The following FRMD4A variants were observed in gnomAD, a reference collection of about 807,000 sequenced individuals.
FRMD4A encodes the protein FERM domain-containing protein 4A.
FRMD4A carries 29 observed loss-of-function variants against 129.1 expected under a neutral mutation model. That is an observed-to-expected ratio of 0.22 (90% CI 0.17 to 0.31). The LOEUF is 0.31. Among genes scored for constraint, FRMD4A ranks in the 10% least tolerant of loss-of-function variants. FRMD4A has a pLI of 1.00. For missense variants in FRMD4A, 1,272 were observed against 1,375.8 expected (o/e 0.92, Z 1.19); for synonymous variants, 634 against 571.6 (o/e 1.11, Z -1.56).
chr10:13,884,116 ACACACTCACACACACG>A (rs2094577990), intron 2 of FRMD4A, among the ~76,000 whole-genome samples: 2 of 111,862 alleles, frequency 1.8e-5, no homozygotes, highest in South Asian at 2.7e-4. Context: ...ACACACACAC[ACACACTCACACACACG>A]CTCACACACA....
intron 15 of FRMD4A, chr10:13,685,411 C>T (rs2084977895): frequency 1.0e-6 from 1 of 985,056 alleles, no homozygotes; most frequent in Admixed American, 6.1e-5. Context: ...AAATTAGCAG[C>T]ATCCAGTAAA....
chr10:14,248,552 T>A (rs1449719491), intron 2 of FRMD4A, among the ~76,000 whole-genome samples: 1 of 152,234 alleles, frequency 6.6e-6, no homozygotes, highest in African/African-American at 2.4e-5. Context: ...ACTGGAAATT[T>A]TTTCCCAAGC....
chr10:14,009,069 G>A (rs1828300490), intron 2 of FRMD4A, among the ~76,000 whole-genome samples: 1 of 152,178 alleles, frequency 6.6e-6, no homozygotes. Flanking sequence ...GTTTTACACG[G>A]CTGTGTCGAA....
chr10:14,330,598 G>A lies in FRMD4A; in HGVS notation c.-83C>T, dbSNP rs971142459. ...AACATGCTGAATGTCACAACATACC[G>A]CTCGCAATCTGGTCAGTGTCTTCTT... On this transcript the variant is annotated splice_region_variant and 5_prime_UTR_variant, in exon 1 of 25. Transcript: ENST00000357447. The A allele has an allele frequency of 5.0e-6, 2 of 399,988 alleles. No homozygotes were observed. Among genetic ancestry groups the A allele is most frequent in the Admixed American group, 8.5e-5 (2 of 23,472 alleles). The allele number at this position is 399,988 out of a possible 1,614,324, so 24.8% of individuals were successfully genotyped here.
In FRMD4A at chr10:13,663,379, C is replaced by A; in HGVS notation, c.1660+74G>T. On this transcript the variant is annotated intron_variant, in intron 19 of 24. Coordinates refer to ENST00000357447, the MANE Select transcript of FRMD4A (RefSeq NM_018027.5). ...GGCTCTTGCCTTTACACAAGGCAATCCCCAGACTACATAGAAATTCATCTC... is the reference window on the plus strand; with the variant it reads ...GGCTCTTGCCTTTACACAAGGCAATACCCAGACTACATAGAAATTCATCTC... The A allele has an allele frequency of 1.0e-5, 9 of 861,048 alleles. No individual in the cohort carries two copies. The South Asian group carries it at 1.2e-4, about 12-fold the overall frequency. The allele number at this position is 861,048 out of a possible 1,614,324, so 53.3% of individuals were successfully genotyped here.
rs184490443 is a variant in FRMD4A at position 13,933,069 on chromosome 10, G to A, written c.46-74157C>T. On this transcript the variant is annotated intron_variant, in intron 2 of 24. Coordinates refer to ENST00000357447, the MANE Select transcript of FRMD4A (RefSeq NM_018027.5). ...CCAGCTGCTCGGGAGACTGAGGCAG[G>A]AGAATTGCTTGATCCTGTGAGGCAG... is the stretch of plus-strand genomic sequence containing the variant. Among the ~76,000 whole-genome samples the A allele has an allele frequency of 3.3e-4, 50 of 152,200 alleles. 1 individual carries two copies. The highest frequency in any genetic ancestry group is 1.1e-3 in the African/African-American group (45 of 41,512).
At position 13,833,347 on chromosome 10, in the gene FRMD4A, A is replaced by G. The variant is rs577108608; in HGVS notation, c.112-22439T>C. ...TTATAAAACCATCAGATCTCATGAG[A>G]TTTACTTACTACCATGAGAACAGTA... On this transcript the variant is annotated intron_variant, in intron 3 of 24. Transcript: ENST00000357447. 8.5e-5 allele frequency among the ~76,000 whole-genome samples: 13 copies of G among 152,236 alleles called. No homozygotes were observed. In the East Asian group the frequency reaches 2.3e-3, roughly 27 times the overall value.
At chr10:13,730,859 C>CAA (rs10639026) in intron 12 of FRMD4A, among the ~76,000 whole-genome samples, 2,692 of 90,802 alleles carry the variant, frequency 0.03, 132 homozygotes, top group East Asian at 0.14. Context: ...ACTAAAAATA[C>CAA]AAAAAAAAAA....
intron 2 of FRMD4A, among the ~76,000 whole-genome samples, chr10:13,939,048 C>A (rs139079932): frequency 1.3e-5 from 2 of 152,330 alleles, no homozygotes; most frequent in African/African-American, 4.8e-5. Flanking sequence ...AGAGAATGAT[C>A]TGGTCTGAAA....
intron 20 of FRMD4A, 107 bp from the exon 21 acceptor site, chr10:13,659,597 G>A (rs1030577293): frequency 1.7e-5 from 19 of 1,134,674 alleles, no homozygotes; most frequent in African/African-American, 9.1e-5. Flanking sequence ...AAGCTCGCCC[G>A]TGACTCCCAC....
intron 5 of FRMD4A, among the ~76,000 whole-genome samples, chr10:13,793,959 G>C (rs2093058306): frequency 1.3e-5 from 2 of 152,152 alleles, no homozygotes; most frequent in African/African-American, 4.8e-5. Flanking sequence ...TGGGAACTCA[G>C]GGTAGTGAGG....
At chr10:14,112,916 A>G (rs1165070835) in intron 2 of FRMD4A, among the ~76,000 whole-genome samples, 1 of 152,196 alleles carries the variant, frequency 6.6e-6, no homozygotes, top group African/African-American at 2.4e-5. Context: ...TTACAATTAC[A>G]GTGACAGACA....
chr10:13,895,735 T>A (rs2094750227), intron 2 of FRMD4A, among the ~76,000 whole-genome samples: 1 of 152,060 alleles, frequency 6.6e-6, no homozygotes, highest in African/African-American at 2.4e-5. Flanking sequence ...ACAGACAACC[T>A]ACAGAATGGG....
Position 14,091,850 on chromosome 10 carries a change from G to A in FRMD4A, c.46-232938C>T, listed in dbSNP as rs551551084. On this transcript the variant is annotated intron_variant, in intron 2 of 24. Coordinates refer to ENST00000357447, the MANE Select transcript of FRMD4A (RefSeq NM_018027.5). ...TAGTATATGATGTGATTTATTAAAT[G>A]TATCTTTAAGTCTCCAACTGGAATC... 9.8e-5 allele frequency among the ~76,000 whole-genome samples: 15 copies of A among 152,308 alleles called. No homozygotes were observed. The East Asian group carries it at 2.9e-3, about 29-fold the overall frequency.
At position 13,704,015 on chromosome 10, in the gene FRMD4A, C is replaced by CA. The variant is rs2087140436; in HGVS notation, c.837-2538dup. ...TGAGACTCTGTCTCAAAAAACAAAACAAACAAACAAACAAAAAAACACTCA... is the reference window on the plus strand; with the variant it reads ...TGAGACTCTGTCTCAAAAAACAAAACAAAACAAACAAACAAAAAAACACTCA... On this transcript the variant is annotated intron_variant, in intron 13 of 24. Coordinates refer to ENST00000357447, the MANE Select transcript of FRMD4A (RefSeq NM_018027.5). 2.7e-5 allele frequency among the ~76,000 whole-genome samples: 4 copies of CA among 147,994 alleles called. No individual in the cohort carries two copies. In the South Asian group the frequency reaches 1.1e-3, roughly 41 times the overall value.
chr10:14,220,063 T>C (rs527948553), intron 2 of FRMD4A, among the ~76,000 whole-genome samples: 115 of 152,316 alleles, frequency 7.6e-4, no homozygotes, highest in Non-Finnish European at 1.4e-3. Context: ...ATGACGACCA[T>C]GTGGTCCTGA....
chr10:13,894,545 C>A (rs973281586), intron 2 of FRMD4A, among the ~76,000 whole-genome samples: 2 of 152,184 alleles, frequency 1.3e-5, no homozygotes, highest in Admixed American at 6.5e-5. Flanking sequence ...CAGCTCACAT[C>A]ACTGCTCTGC....
Position 14,048,897 on chromosome 10 carries a change from GAATAGAAAAT to G in FRMD4A, c.46-189995_46-189986del, listed in dbSNP as rs1427810727. ...GAATAGAATAGAATAGAATAGAATAGAATAGAAAATAAAATGAAATATGGTGGGAGTAGGA... is the reference window on the plus strand; with the variant it reads ...GAATAGAATAGAATAGAATAGAATAGAAAATGAAATATGGTGGGAGTAGGA... On this transcript the variant is annotated intron_variant, in intron 2 of 24. Transcript: ENST00000357447. Among the ~76,000 whole-genome samples the G allele has an allele frequency of 3.8e-3, 403 of 104,676 alleles. 6 individuals are homozygous for G. In the East Asian group the frequency reaches 0.05, roughly 13 times the overall value. 68.7% of individuals were successfully genotyped at this position (104,676 alleles called of 152,430 possible).
At chr10:14,165,110 A>G (rs1454006015) in intron 2 of FRMD4A, among the ~76,000 whole-genome samples, 2 of 152,244 alleles carry the variant, frequency 1.3e-5, no homozygotes, top group African/African-American at 4.8e-5. Flanking sequence ...CAAACTATGC[A>G]TCTGAAAAAG....
Sources: gnomAD v4.1 joint callset for allele counts (sites outside exome capture counted in the v4.1 genomes callset) on GRCh38, gnomAD v4.1.1 for gene constraint, MANE v1.5 for transcripts, NCBI Gene and HGNC (gene_info 2026-07-23, HGNC 2026-07-21) for gene names.